Variants in ALMS1 observed in about 807,000 individuals in gnomAD.
ALMS1 encodes ALMS1 centrosome and basal body associated protein, also known as centrosome-associated protein ALMS1.
In ALMS1, 271 loss-of-function variants were observed where a neutral mutation model predicts 352.2. The observed-to-expected ratio is 0.77, with a 90% CI of 0.70 to 0.85. The LOEUF is 0.85. ALMS1 is among the 40% of genes least tolerant of loss of function. The pLI is 0.00. For synonymous variants in ALMS1, 1,865 were observed against 1,761.2 expected, an observed-to-expected ratio of 1.06 and a Z score of -1.48; for missense variants, 5,445 against 4,870.7, an observed-to-expected ratio of 1.12 and a Z score of -3.51.
chr2:73,506,604 G>C (rs1246530304), intron 10 of ALMS1, among the ~76,000 whole-genome samples: 4 of 152,150 alleles, frequency 2.6e-5, no homozygotes, highest in Non-Finnish European at 5.9e-5. Flanking sequence ...GTATAAGAAT[G>C]CTTGTGATTT....
chr2:73,450,063 A>G lies in ALMS1; in HGVS notation c.3536A>G (p.Asn1179Ser), dbSNP rs755412915. 3 of 1,613,994 alleles carry G rather than the reference A, an allele frequency of 1.9e-6. No individual in the cohort carries two copies. Among genetic ancestry groups the G allele is most frequent in the Non-Finnish European group, 2.5e-6 (3 of 1,179,958 alleles). The stretch of plus-strand genomic sequence containing the variant: ...GTTTCAGCTGTTACTGGACCAGGTA[A>G]CCAGAAGACTTGGATACCAAGAGTA... ...QKVSAVTGPG[N>S]QKTWIPRVLS... The change falls in exon 8 of 23, where the codon AAC becomes AGC. Residue 1179 changes from asparagine to serine, a missense_variant. By Grantham distance (46) the Asn-to-Ser change is conservative (BLOSUM62 1). Coordinates refer to ENST00000613296, the MANE Select transcript of ALMS1 (RefSeq NM_001378454.1).
intron 14 of ALMS1, among the ~76,000 whole-genome samples, chr2:73,557,922 C>G (rs1674578628): frequency 6.6e-6 from 1 of 152,184 alleles, no homozygotes; most frequent in Non-Finnish European, 1.5e-5. Context: ...CAGAGTTGAC[C>G]TGGTACTCCA....
intron 10 of ALMS1, among the ~76,000 whole-genome samples, chr2:73,501,738 G>A (rs989030385): frequency 6.6e-6 from 1 of 151,986 alleles, no homozygotes; most frequent in Middle Eastern, 3.2e-3. Context: ...CTCCAACCTT[G>A]TTTTTGTTTT....
chr2:73,410,323 A>G (rs1671051187), intron 2 of ALMS1, among the ~76,000 whole-genome samples: 1 of 152,146 alleles, frequency 6.6e-6, no homozygotes, highest in Non-Finnish European at 1.5e-5. Context: ...CAGGAGGTGG[A>G]GGTTGCAGTG....
intron 11 of ALMS1, among the ~76,000 whole-genome samples, chr2:73,523,165 A>G (rs1027714759): frequency 6.6e-6 from 1 of 152,222 alleles, no homozygotes; most frequent in East Asian, 1.9e-4. Context: ...GCATATCCCA[A>G]ATCCCATAAG....
At position 73,455,625 on chromosome 2, in the gene ALMS1, C is replaced by T. The variant is rs541027884; in HGVS notation, c.7674+330C>T. ...CTACGTTGCCCAGGCTGGTCTTGAA[C>T]GCTTGGATTCAAGCGATCCTCTTGC... On this transcript the variant is annotated intron_variant, in intron 9 of 22. Coordinates refer to ENST00000613296, the MANE Select transcript of ALMS1 (RefSeq NM_001378454.1). 4.3e-4 allele frequency among the ~76,000 whole-genome samples: 66 copies of T among 152,290 alleles called. 2 individuals carry two copies. In the South Asian group the frequency reaches 8.7e-3, roughly 20 times the overall value.
At chr2:73,466,379 C>G (rs1165655437) in intron 9 of ALMS1, among the ~76,000 whole-genome samples, 2 of 150,690 alleles carry the variant, frequency 1.3e-5, no homozygotes, top group Non-Finnish European at 1.5e-5. Flanking sequence ...CAAGCTATCT[C>G]AAGGACAAAA....
At chr2:73,467,637 G>A (rs780396) in intron 9 of ALMS1, among the ~76,000 whole-genome samples, 129,493 of 152,008 alleles carry the variant, frequency 0.85, 55,214 homozygotes, top group Admixed American at 0.9. Context: ...CATATGTTCA[G>A]TAGAAGACAT....
At chr2:73,425,598 G>A (rs1461349538) in intron 5 of ALMS1, among the ~76,000 whole-genome samples, 2 of 152,020 alleles carry the variant, frequency 1.3e-5, no homozygotes, top group East Asian at 3.9e-4. Context: ...GGCAGTTATT[G>A]CCTCTATTGA....
Position 73,448,991 on chromosome 2 carries a change from C to G in ALMS1, c.2464C>G (p.Gln822Glu). Reference sequence around the variant, plus strand: ...CAGAGAGAAGCTCCTTGTTTTCTACCAACAGGCCTTGCTGGACAGCCATCT... The same window carrying G: ...CAGAGAGAAGCTCCTTGTTTTCTACGAACAGGCCTTGCTGGACAGCCATCT... ...SHREKLLVFYQQALLDSHLPE... is the reference protein window; with the variant it reads ...SHREKLLVFYEQALLDSHLPE... The change falls in exon 8 of 23, where the codon CAA becomes GAA. Residue 822 changes from glutamine to glutamate, a missense_variant. Transcript: ENST00000613296. 6.2e-7 allele frequency: 1 copy of G among 1,614,048 alleles called. No homozygotes were observed. Among genetic ancestry groups the G allele is most frequent in the Non-Finnish European group, 8.5e-7 (1 of 1,179,958 alleles).
intron 12 of ALMS1, among the ~76,000 whole-genome samples, chr2:73,546,253 A>G (rs1411862919): frequency 1.1e-4 from 17 of 152,178 alleles, no homozygotes; most frequent in Non-Finnish European, 8.8e-5. Flanking sequence ...ATCCCTGTAA[A>G]TGTTCACTTA....
intron 10 of ALMS1, among the ~76,000 whole-genome samples, chr2:73,516,641 T>C (rs536102130): frequency 5.6e-4 from 86 of 152,360 alleles, no homozygotes; most frequent in African/African-American, 1.9e-3. Flanking sequence ...CTCAGCTCTT[T>C]AGACTCTTTG....
At chr2:73,553,151 A>G (rs1299499104) in intron 13 of ALMS1, among the ~76,000 whole-genome samples, 1 of 152,240 alleles carries the variant, frequency 6.6e-6, no homozygotes, top group Non-Finnish European at 1.5e-5. Flanking sequence ...TCCAAAAAGA[A>G]AACATACATT....
chr2:73,515,187 G>C (rs921507592), intron 10 of ALMS1, among the ~76,000 whole-genome samples: 41 of 152,134 alleles, frequency 2.7e-4, no homozygotes, highest in Non-Finnish European at 5.6e-4. Flanking sequence ...TTTACACAGT[G>C]TCTATTTGCT....
At chr2:73,417,121 T>G (rs563675872) in intron 2 of ALMS1, among the ~76,000 whole-genome samples, 17 of 151,744 alleles carry the variant, frequency 1.1e-4, no homozygotes, top group African/African-American at 3.9e-4. Flanking sequence ...AAACTGCAAA[T>G]AGAGGAAACG....
intron 16 of ALMS1, among the ~76,000 whole-genome samples, chr2:73,595,806 A>C (rs1300750953): frequency 6.6e-6 from 1 of 152,052 alleles, no homozygotes; most frequent in African/African-American, 2.4e-5. Context: ...GCTATTGTCC[A>C]CCTTTTTATT....
intron 15 of ALMS1, among the ~76,000 whole-genome samples, chr2:73,567,097 T>C (rs1674819455): frequency 6.6e-6 from 1 of 152,184 alleles, no homozygotes; most frequent in Non-Finnish European, 1.5e-5. Flanking sequence ...ATAGGCAATA[T>C]TGATTAAATC....
intron 12 of ALMS1, among the ~76,000 whole-genome samples, chr2:73,541,217 C>G (rs1414134918): frequency 6.6e-6 from 1 of 152,218 alleles, no homozygotes; most frequent in East Asian, 1.9e-4. Flanking sequence ...GATTAAGAAA[C>G]TCACTCAGAA....
chr2:73,563,729 A>T (rs188939006), intron 15 of ALMS1, among the ~76,000 whole-genome samples: 25 of 123,594 alleles, frequency 2.0e-4, no homozygotes, highest in Admixed American at 1.4e-3. Context: ...TCTCAAAAAA[A>T]AAAAAAAAAA....
Sources: gnomAD v4.1 joint callset for allele counts (sites outside exome capture counted in the v4.1 genomes callset) on GRCh38, gnomAD v4.1.1 for gene constraint, MANE v1.5 for transcripts, NCBI Gene and HGNC (gene_info 2026-07-23, HGNC 2026-07-21) for gene names.